PCDH11X: variants seen among roughly 807,000 people sequenced by gnomAD.
The protein encoded by PCDH11X is protocadherin-11 X-linked.
Under a neutral mutation model 53.3 loss-of-function variants are expected in PCDH11X, and 18 were observed. The observed-to-expected ratio is 0.34, with a 90% CI of 0.23 to 0.50. The LOEUF (loss-of-function observed/expected upper bound fraction) is 0.50, where lower values mean the gene tolerates loss of function less well. PCDH11X is among the 20% of genes least tolerant of loss of function. The pLI, the probability that PCDH11X is intolerant of heterozygous loss-of-function variation, is 0.98. For synonymous variants in PCDH11X, 279 were observed against 393.3 expected, an observed-to-expected ratio of 0.71 and a Z score of 3.44; for missense variants, 570 against 1,032.4, an observed-to-expected ratio of 0.55 and a Z score of 6.14.
At position 92,619,734 on chromosome X, in the gene PCDH11X, A is replaced by G. The variant is rs758931492; in HGVS notation, c.*794A>G. On this transcript the variant is annotated 3_prime_UTR_variant, in exon 11 of 11. Transcript: ENST00000682573. ...ACTTTAATAGTTTAGTGTAAAGTAC[A>G]TCAGAAATAAAGCTGTATCTGCCAT... 9.0e-6 allele frequency: 1 copy of G among 111,453 alleles called. No individual in the cohort carries two copies. The highest frequency in any genetic ancestry group is 1.9e-5 in the Non-Finnish European group (1 of 53,062). 9.2% of individuals were successfully genotyped at this position (111,453 alleles called of 1,213,427 possible).
chrX:92,406,724 G>C (rs1359057134), intron 9 of PCDH11X, among the ~76,000 whole-genome samples: 1 of 97,854 alleles, frequency 1.0e-5, no homozygotes, highest in Non-Finnish European at 2.0e-5. Flanking sequence ...AGGAGTTCAA[G>C]ACCATCTTGG....
At chrX:91,960,893 G>A (rs749911651) in intron 6 of PCDH11X, among the ~76,000 whole-genome samples, 90 of 110,090 alleles carry the variant, frequency 8.2e-4, no homozygotes, top group African/African-American at 2.9e-3. Context: ...AAGATTAGTT[G>A]ACTCTATACA....
intron 10 of PCDH11X, among the ~76,000 whole-genome samples, chrX:92,565,993 T>C (rs1921428411): frequency 9.1e-6 from 1 of 110,294 alleles, no homozygotes. Flanking sequence ...ATATAAATTT[T>C]AGATATACTA....
intron 10 of PCDH11X, among the ~76,000 whole-genome samples, chrX:92,613,745 C>T (rs746217809): frequency 1.7e-4 from 19 of 110,441 alleles, no homozygotes; most frequent in Admixed American, 5.9e-4. Flanking sequence ...TCCAAGTTAC[C>T]TACATTGTCC....
chrX:91,950,772 A>G (rs1488151700), intron 6 of PCDH11X, among the ~76,000 whole-genome samples: 1 of 110,153 alleles, frequency 9.1e-6, no homozygotes, highest in Non-Finnish European at 1.9e-5. Flanking sequence ...TGTAAGCTCC[A>G]TGTGATCATT....
At position 92,339,748 on chromosome X, in the gene PCDH11X, A is replaced by G. The variant is rs1334434846; in HGVS notation, c.3145-47987A>G. Reference sequence around the variant, plus strand: ...ATCCAGTCACCTCCCACCAGGCCCCACCTCCAACACTGGGCATTACAATAC... The same window carrying G: ...ATCCAGTCACCTCCCACCAGGCCCCGCCTCCAACACTGGGCATTACAATAC... On this transcript the variant is annotated intron_variant, in intron 8 of 10. Coordinates refer to ENST00000682573, the MANE Select transcript of PCDH11X (RefSeq NM_032968.5). Among the ~76,000 whole-genome samples the G allele has an allele frequency of 9.2e-5, 10 of 108,225 alleles. No homozygotes were observed. The Admixed American group carries it at 9.9e-4, about 11-fold the overall frequency. 94.0% of individuals were successfully genotyped at this position (108,225 alleles called of 115,157 possible).
At chrX:91,824,444 C>T (rs1475617676) in intron 4 of PCDH11X, among the ~76,000 whole-genome samples, 1 of 110,899 alleles carries the variant, frequency 9.0e-6, no homozygotes, top group Non-Finnish European at 1.9e-5. Flanking sequence ...ATCGCTGATA[C>T]CCTTTCTTCC....
chrX:92,383,435 C>T (rs1399451576), intron 8 of PCDH11X, among the ~76,000 whole-genome samples: 7 of 109,516 alleles, frequency 6.4e-5, no homozygotes, highest in Non-Finnish European at 1.3e-4. Context: ...ATCAACCCAT[C>T]ATCTACATTA....
intron 8 of PCDH11X, among the ~76,000 whole-genome samples, chrX:92,331,923 G>A (rs1329855614): frequency 9.0e-6 from 1 of 111,127 alleles, no homozygotes; most frequent in Admixed American, 9.6e-5. Context: ...AATAAATTGT[G>A]GTCAATAACC....
chrX:92,332,720 A>ACAGCAGCAG (rs112550030), intron 8 of PCDH11X, among the ~76,000 whole-genome samples: 1 of 109,266 alleles, frequency 9.2e-6, no homozygotes, highest in Admixed American at 1.0e-4. Context: ...AGTTACTAAA[A>ACAGCAGCAG]CAGCAGCAGC....
At chrX:92,127,709 G>GA (rs1408849088) in intron 6 of PCDH11X, among the ~76,000 whole-genome samples, 1 of 109,250 alleles carries the variant, frequency 9.2e-6, no homozygotes, top group Non-Finnish European at 1.9e-5. Flanking sequence ...TTTCAGTAGA[G>GA]ACGGGGTTTC....
chrX:91,881,019 T>A (rs1317454580), intron 6 of PCDH11X, among the ~76,000 whole-genome samples: 3 of 111,495 alleles, frequency 2.7e-5, no homozygotes, highest in Non-Finnish European at 5.7e-5. Flanking sequence ...GTGAATTACA[T>A]ATGTAGATCA....
Position 92,050,829 on chromosome X carries a change from G to C in PCDH11X, c.3034-150546G>C, listed in dbSNP as rs1166074318. ...TGATTATAATTCCCTTGCAAGTTTT[G>C]GTTCTGATTGCACTGGAACCCCATG... is the stretch of plus-strand genomic sequence containing the variant. On this transcript the variant is annotated intron_variant, in intron 6 of 10. Coordinates refer to ENST00000682573, the MANE Select transcript of PCDH11X (RefSeq NM_032968.5). Among the ~76,000 whole-genome samples, 5 of 107,691 alleles carry C rather than the reference G, an allele frequency of 4.6e-5. No individual in the cohort carries two copies. In the East Asian group the frequency reaches 1.2e-3, roughly 25 times the overall value. 93.5% of individuals were successfully genotyped at this position (107,691 alleles called of 115,157 possible).
chrX:92,479,224 A>G (rs1051029561), intron 10 of PCDH11X, among the ~76,000 whole-genome samples: 1 of 105,978 alleles, frequency 9.4e-6, no homozygotes. Flanking sequence ...ATTTTTTTCT[A>G]TTCCTTTATT....
intron 6 of PCDH11X, among the ~76,000 whole-genome samples, chrX:92,058,063 C>G (rs2148058011): frequency 9.8e-6 from 1 of 102,157 alleles, no homozygotes; most frequent in Non-Finnish European, 1.9e-5. Context: ...TCACTTCTCT[C>G]AGGCCTATTT....
At chrX:91,862,187 T>C (rs1276230683) in intron 5 of PCDH11X, among the ~76,000 whole-genome samples, 1 of 110,614 alleles carries the variant, frequency 9.0e-6, no homozygotes, top group Non-Finnish European at 1.9e-5. Flanking sequence ...TAGTTCTTGT[T>C]TGAATGTTTG....
At chrX:91,969,458 A>T (rs1602585441) in intron 6 of PCDH11X, among the ~76,000 whole-genome samples, 1 of 108,909 alleles carries the variant, frequency 9.2e-6, no homozygotes, top group East Asian at 2.9e-4. Flanking sequence ...AATTCAAGAT[A>T]TTGTTTAGAA....
chrX:92,465,642 A>G lies in PCDH11X; in HGVS notation c.3344-2657A>G, dbSNP rs541485416. On this transcript the variant is annotated intron_variant, in intron 9 of 10. Coordinates refer to ENST00000682573, the MANE Select transcript of PCDH11X (RefSeq NM_032968.5). ...TTATTTGGAATTCTCATTTACTTTT[A>G]GCCAGATATTTCTAGCTCATATTTA... Among the ~76,000 whole-genome samples the G allele has an allele frequency of 1.4e-4, 16 of 111,781 alleles. No homozygotes were observed. In the South Asian group the frequency reaches 5.9e-3, roughly 41 times the overall value.
At chrX:92,409,085 T>A (rs766616306) in intron 9 of PCDH11X, among the ~76,000 whole-genome samples, 1 of 103,502 alleles carries the variant, frequency 9.7e-6, no homozygotes, top group East Asian at 3.0e-4. Context: ...GGACAAGCCA[T>A]TGATTGCTAA....
Sources: allele counts gnomAD v4.1 joint callset (sites outside exome capture counted in the v4.1 genomes callset), GRCh38; gene constraint gnomAD v4.1.1; transcripts MANE v1.5; gene names NCBI Gene and HGNC (gene_info 2026-07-23, HGNC 2026-07-21).